The following SLC4A4 variants were observed in gnomAD, a reference collection of about 807,000 sequenced individuals.
SLC4A4 encodes the protein solute carrier family 4 member 4, also known as electrogenic sodium bicarbonate cotransporter 1.
Under a neutral mutation model 111.5 loss-of-function variants are expected in SLC4A4, and 27 were observed. The observed-to-expected ratio is 0.24, with a 90% CI of 0.18 to 0.33. SLC4A4 has a LOEUF of 0.33. SLC4A4 is among the 10% of genes least tolerant of loss of function. The probability of loss-of-function intolerance (pLI) is 1.00; values close to 1 mark genes in which losing one functional copy is unlikely to be tolerated. For missense variants in SLC4A4, 909 were observed against 1,315.5 expected (o/e 0.69, Z 4.78); for synonymous variants, 443 against 463.4 (o/e 0.96, Z 0.57).
intron 3 of SLC4A4, among the ~76,000 whole-genome samples, chr4:71,257,299 T>C (rs1721521780): frequency 6.6e-6 from 1 of 152,218 alleles, no homozygotes; most frequent in Admixed American, 6.5e-5. Flanking sequence ...AAGGACTAAA[T>C]TGTTCAGTGA....
rs1391737336 is a variant in SLC4A4, at chr4:71,088,241, T to TG, written c.-64-4489_-64-4488insG. ...TCGGATTGCAATACCTGCCTTTTTT[T>TG]TTTTCCATTTGCTTGGTAGATCTTC... On this transcript the variant is annotated intron_variant, in intron 1 of 26. Transcript: ENST00000649996. Among the ~76,000 whole-genome samples the TG allele has an allele frequency of 5.9e-5, 9 of 151,766 alleles. 1 individual carries two copies. The highest frequency in any genetic ancestry group is 1.9e-4 in the African/African-American group (8 of 41,218).
At chr4:71,541,419 T>A (rs1449628700) in intron 18 of SLC4A4, among the ~76,000 whole-genome samples, 1 of 151,996 alleles carries the variant, frequency 6.6e-6, no homozygotes, top group African/African-American at 2.4e-5. Flanking sequence ...AAGGAGAGAA[T>A]GGCTTTAAGC....
At chr4:71,481,369 G>C (rs1728866316) in intron 14 of SLC4A4, among the ~76,000 whole-genome samples, 1 of 151,686 alleles carries the variant, frequency 6.6e-6, no homozygotes, top group Non-Finnish European at 1.5e-5. Context: ...ATGTAAAGCA[G>C]AGGAGCCATG....
At chr4:71,535,861 A>AAAC (rs1734368042) in intron 18 of SLC4A4, among the ~76,000 whole-genome samples, 1 of 151,648 alleles carries the variant, frequency 6.6e-6, no homozygotes, top group Non-Finnish European at 1.5e-5. Context: ...ACAAACAAAC[A>AAAC]AAACAAACAA....
At chr4:71,226,375 C>G (rs1273399247) in intron 1 of SLC4A4, among the ~76,000 whole-genome samples, 2 of 152,090 alleles carry the variant, frequency 1.3e-5, no homozygotes, top group East Asian at 3.8e-4. Flanking sequence ...TTATTCTGTT[C>G]GTGGAACAAA....
intron 6 of SLC4A4, among the ~76,000 whole-genome samples, chr4:71,367,499 A>G (rs1731440451): frequency 6.6e-6 from 1 of 152,158 alleles, no homozygotes; most frequent in Non-Finnish European, 1.5e-5. Context: ...CTGCAGGAAT[A>G]TTGGCTCTTT....
chr4:71,098,165 A>G (rs1172033417), intron 2 of SLC4A4, among the ~76,000 whole-genome samples: 1 of 152,136 alleles, frequency 6.6e-6, no homozygotes, highest in Non-Finnish European at 1.5e-5. Context: ...TGTGTTTTAC[A>G]TTTAAGTTTT....
chr4:71,499,433 T>C lies in SLC4A4; in HGVS notation c.2166+1741T>C, dbSNP rs189151314. 1.6e-3 allele frequency among the ~76,000 whole-genome samples: 235 copies of C among 151,232 alleles called. 1 individual carries two copies. Among genetic ancestry groups the C allele is most frequent in the Non-Finnish European group, 1.4e-3 (94 of 68,000 alleles). On this transcript the variant is annotated intron_variant, in intron 16 of 25. Transcript: ENST00000264485. ...ACATATCCATTACCTCACATACTTATTTTTTGTGATGAGAACATTTAAAAC... is the reference window on the plus strand; with the variant it reads ...ACATATCCATTACCTCACATACTTACTTTTTGTGATGAGAACATTTAAAAC...
chr4:71,236,053 G>C, intron 1 of SLC4A4: 1 of 994,000 alleles, frequency 1.0e-6, no homozygotes, highest in Non-Finnish European at 1.2e-6. Flanking sequence ...CTGGAAGCTA[G>C]GCTCCCACTG....
chr4:71,086,581 C>T (rs891683668), intron 1 of SLC4A4, among the ~76,000 whole-genome samples: 15 of 152,000 alleles, frequency 9.9e-5, no homozygotes, highest in African/African-American at 3.6e-4. Flanking sequence ...TATGTCCCAT[C>T]AATACCTAAT....
intron 6 of SLC4A4, among the ~76,000 whole-genome samples, chr4:71,379,444 T>G (rs894901528): frequency 1.3e-5 from 2 of 152,266 alleles, no homozygotes; most frequent in African/African-American, 4.8e-5. Flanking sequence ...GTGACTAAAT[T>G]TAACCTATCC....
chr4:71,464,465 T>C (rs766878066), intron 12 of SLC4A4, among the ~76,000 whole-genome samples: 1 of 152,164 alleles, frequency 6.6e-6, no homozygotes, highest in Non-Finnish European at 1.5e-5. Flanking sequence ...CAAGATAGTC[T>C]CTCTACGGAA....
At chr4:71,081,570 G>T (rs1037473425) in intron 1 of SLC4A4, among the ~76,000 whole-genome samples, 1 of 152,090 alleles carries the variant, frequency 6.6e-6, no homozygotes, top group Non-Finnish European at 1.5e-5. Context: ...CTACGTTACA[G>T]TGATAACAAA....
intron 2 of SLC4A4, among the ~76,000 whole-genome samples, chr4:71,135,175 G>A (rs866934788): frequency 6.6e-6 from 1 of 152,012 alleles, no homozygotes; most frequent in Non-Finnish European, 1.5e-5. Flanking sequence ...AATAAAAATT[G>A]TGTATATACA....
chr4:71,366,314 A>AC (rs1731300456), intron 6 of SLC4A4, among the ~76,000 whole-genome samples: 1 of 50,006 alleles, frequency 2.0e-5, no homozygotes, highest in Non-Finnish European at 5.9e-5. Flanking sequence ...TTCTGGAGAT[A>AC]TTGTGTGTGT....
Position 71,288,958 on chromosome 4 carries a change from G to A in SLC4A4, c.253+33559G>A, listed in dbSNP as rs577084220. ...TGTATCTTTCAGCAGAATACAGGCT[G>A]GTTCTTGACTTTTTGGTGGGCTGCT... is the stretch of plus-strand genomic sequence containing the variant. On this transcript the variant is annotated intron_variant, in intron 3 of 25. Transcript: ENST00000264485. 5.3e-5 allele frequency among the ~76,000 whole-genome samples: 8 copies of A among 152,236 alleles called. No individual in the cohort carries two copies. The South Asian group carries it at 1.5e-3, about 28-fold the overall frequency.
intron 4 of SLC4A4, among the ~76,000 whole-genome samples, chr4:71,343,448 G>T (rs1729051305): frequency 6.6e-6 from 1 of 152,082 alleles, no homozygotes; most frequent in Admixed American, 6.6e-5. Context: ...GGGCTAATAG[G>T]ATTCTCAAAA....
intron 15 of SLC4A4, among the ~76,000 whole-genome samples, chr4:71,492,854 T>C (rs1462207820): frequency 6.6e-6 from 1 of 151,964 alleles, no homozygotes; most frequent in Non-Finnish European, 1.5e-5. Flanking sequence ...TTCTCTGTAC[T>C]CAATGAAGAT....
chr4:71,171,611 G>A (rs1578548378), intron 2 of SLC4A4, among the ~76,000 whole-genome samples: 1 of 152,116 alleles, frequency 6.6e-6, no homozygotes, highest in East Asian at 1.9e-4. Context: ...AACTTTTTTA[G>A]TATTACGTGC....
Sources: allele counts gnomAD v4.1 joint callset (sites outside exome capture counted in the v4.1 genomes callset), GRCh38; gene constraint gnomAD v4.1.1; transcripts MANE v1.5; gene names NCBI Gene and HGNC (gene_info 2026-07-23, HGNC 2026-07-21).